POLI: variants seen among roughly 807,000 people sequenced by gnomAD.
The protein encoded by POLI is DNA polymerase iota.
A neutral mutation model predicts 51.6 loss-of-function variants in POLI; 58 were observed. The ratio of observed to expected loss-of-function variants is 1.12; its 90% CI spans 0.91 to 1.40. The LOEUF is 1.40. POLI is among the 40% of genes most tolerant of loss of function. The pLI, the probability that POLI is intolerant of heterozygous loss-of-function variation, is 0.00. For synonymous variants in POLI, 322 were observed against 299.7 expected (o/e 1.07, Z -0.77); for missense variants, 921 against 871.3 (o/e 1.06, Z -0.72).
At chr18:54,288,479 C>T (rs1296646608) in intron 8 of POLI, among the ~76,000 whole-genome samples, 3 of 152,088 alleles carry the variant, frequency 2.0e-5, no homozygotes, top group Non-Finnish European at 2.9e-5. Context: ...GACTATTCTC[C>T]ACCCACTGAA....
chr18:54,270,109 C>T lies in POLI; in HGVS notation c.115+448C>T, dbSNP rs3730673. The T allele has an allele frequency of 3.5e-4, 294 of 835,136 alleles. 3 individuals carry two copies. The African/African-American group carries it at 5.1e-3, about 14-fold the overall frequency. The allele number at this position is 835,136 out of a possible 1,614,324, so 51.7% of individuals were successfully genotyped here. Reference sequence around the variant, plus strand: ...GGAGTCAGGTCCGCTGTGGTCACGTCTCCGGTGACCCACTTCCAGCTCTGG... The same window carrying T: ...GGAGTCAGGTCCGCTGTGGTCACGTTTCCGGTGACCCACTTCCAGCTCTGG... On this transcript the variant is annotated intron_variant, in intron 1 of 9. Coordinates refer to ENST00000579534, the MANE Select transcript of POLI (RefSeq NM_007195.3).
At position 54,298,134 on chromosome 18, in the gene POLI, A is replaced by G. The variant is rs2088422580; in HGVS notation, c.*3667A>G. On this transcript the variant is annotated 3_prime_UTR_variant, in exon 10 of 10. Coordinates refer to ENST00000579534, the MANE Select transcript of POLI (RefSeq NM_007195.3). Reference sequence around the variant, plus strand: ...ATATTAAAAAAACTTCTATTTTAAAATCTGTATATAGAAAGGTACATAAAC... The same window carrying G: ...ATATTAAAAAAACTTCTATTTTAAAGTCTGTATATAGAAAGGTACATAAAC... The G allele has an allele frequency of 1.2e-6, 1 of 803,582 alleles. No homozygotes were observed. Among genetic ancestry groups the G allele is most frequent in the Non-Finnish European group, 1.5e-6 (1 of 664,048 alleles). The allele number at this position is 803,582 out of a possible 1,614,324, so 49.8% of individuals were successfully genotyped here. A position where few individuals can be genotyped will look rare whatever the true frequency, so the allele number is the denominator to read the frequency against.
At chr18:54,316,828 A>G (rs1370150146) in intron 3 of POLI, among the ~76,000 whole-genome samples, 2 of 152,220 alleles carry the variant, frequency 1.3e-5, no homozygotes, top group African/African-American at 4.8e-5. Context: ...GAATGTCTTC[A>G]GGCAAAATGT....
In POLI at chr18:54,294,227, C is replaced by G. The variant is rs1335539818; in HGVS notation, c.1983C>G (p.Asn661Lys). ...TGTCTGCTTTTCATTCATTTCCAAA[C>G]TTGCAGAGTGAGCAACTTTTCTCCA... The part of the protein sequence containing the change: ...PAVSAFHSFP[N>K]LQSEQLFSRN... The change falls in exon 10 of 10, where the codon AAC (asparagine) becomes AAG (lysine). Residue 661 changes from asparagine (N) to lysine (K), a missense_variant. Coordinates refer to ENST00000579534, the MANE Select transcript of POLI (RefSeq NM_007195.3). The G allele has an allele frequency of 6.2e-7, 1 of 1,613,652 alleles. No individual in the cohort carries two copies. Among genetic ancestry groups the G allele is most frequent in the Non-Finnish European group, 8.5e-7 (1 of 1,179,686 alleles).
chr18:54,279,950 C>T (rs1312992926), intron 4 of POLI, among the ~76,000 whole-genome samples: 1 of 152,018 alleles, frequency 6.6e-6, no homozygotes, highest in East Asian at 1.9e-4. Context: ...AAAAGTTTTG[C>T]CAATGTCAGT....
chr18:54,310,167 A>G (rs891278594), intron 3 of POLI, among the ~76,000 whole-genome samples: 2 of 152,344 alleles, frequency 1.3e-5, no homozygotes, highest in East Asian at 3.9e-4. Context: ...CGTCTTCTGC[A>G]TCAGTCACAC....
chr18:54,279,126 G>A (rs1176689935), intron 4 of POLI, among the ~76,000 whole-genome samples: 1 of 9,844 alleles, frequency 1.0e-4, no homozygotes, highest in South Asian at 3.3e-3. Context: ...TCCCAAAAAG[G>A]GAAATGTGGA....
rs200169886 is a variant in POLI, at chr18:54,293,874, C to T, written c.1630C>T (p.Leu544Phe). 6.2e-7 allele frequency: 1 copy of T among 1,612,518 alleles called. No individual in the cohort carries two copies. Among genetic ancestry groups the T allele is most frequent in the South Asian group, 1.1e-5 (1 of 90,932 alleles). Residue 544 changes from leucine (L) to phenylalanine (F), a missense_variant, in exon 10 of 10, where the codon CTT (leucine) becomes TTT (phenylalanine). Coordinates refer to ENST00000579534, the MANE Select transcript of POLI (RefSeq NM_007195.3). ...TCCAGTAGATATTCAAGAAGAAATCCTTTCTGGAAAATCTAGGGAAAAATT... is the reference window on the plus strand; with the variant it reads ...TCCAGTAGATATTCAAGAAGAAATCTTTTCTGGAAAATCTAGGGAAAAATT... Reference protein sequence around the residue: ...QLPVDIQEEILSGKSREKFQG... With the variant: ...QLPVDIQEEIFSGKSREKFQG...
In POLI at chr18:54,281,020, A is replaced by G. The variant is rs559358277; in HGVS notation, c.796+117A>G. The G allele has an allele frequency of 5.9e-4, 350 of 592,950 alleles. 1 individual carries two copies. Among genetic ancestry groups the G allele is most frequent in the African/African-American group, 5.0e-3 (264 of 52,524 alleles). 36.7% of individuals were successfully genotyped at this position (592,950 alleles called of 1,614,324 possible). ...TAGAGTTGTCTGTGAGTTTGTGTGCATGTGTGTGTGTGTGTATACTTGGTT... is the reference window on the plus strand; with the variant it reads ...TAGAGTTGTCTGTGAGTTTGTGTGCGTGTGTGTGTGTGTGTATACTTGGTT... On this transcript the variant is annotated intron_variant, in intron 5 of 9. Coordinates refer to ENST00000579534, the MANE Select transcript of POLI (RefSeq NM_007195.3).
chr18:54,279,200 A>C (rs950749932), intron 4 of POLI, among the ~76,000 whole-genome samples: 1 of 151,834 alleles, frequency 6.6e-6, no homozygotes, highest in Non-Finnish European at 1.5e-5. Flanking sequence ...ACCTACAGAA[A>C]AGTTGACAGA....
In POLI at chr18:54,297,690, C is replaced by A. The variant is rs190631988; in HGVS notation, c.*3223C>A. The A allele has an allele frequency of 6.3e-4, 610 of 971,854 alleles. 3 individuals are homozygous for A. In the African/African-American group the frequency reaches 9.3e-3, roughly 15 times the overall value. 60.2% of individuals were successfully genotyped at this position (971,854 alleles called of 1,614,324 possible). On this transcript the variant is annotated 3_prime_UTR_variant, in exon 10 of 10. Transcript: ENST00000579534. ...TTACTGATTTGGAATGTGAATGTTA[C>A]AAGTCCTTTTGATTATCCTTAAACA...
intron 7 of POLI, chr18:54,284,649 C>T (rs936586426): frequency 6.6e-6 from 1 of 152,224 alleles, no homozygotes; most frequent in African/African-American, 2.4e-5. Context: ...ACCCTTGTAT[C>T]TCTTTTGCCT....
At chr18:54,274,878 A>G (rs1440643057) in intron 3 of POLI, 1 of 152,190 alleles carries the variant, frequency 6.6e-6, no homozygotes, top group East Asian at 1.9e-4. Flanking sequence ...ATAATATACA[A>G]AGACCTCTTA....
At chr18:54,303,817 G>T (rs1215642222) in intron 3 of POLI, among the ~76,000 whole-genome samples, 3 of 150,412 alleles carry the variant, frequency 2.0e-5, no homozygotes, top group Non-Finnish European at 4.4e-5. Flanking sequence ...CAACATGCAG[G>T]TTTGTTACAT....
intron 4 of POLI, among the ~76,000 whole-genome samples, chr18:54,278,793 T>G (rs1348669898): frequency 6.6e-6 from 1 of 152,320 alleles, no homozygotes; most frequent in East Asian, 1.9e-4. Context: ...GACTCCCCTA[T>G]CATACCACAT....
At position 54,297,851 on chromosome 18, in the gene POLI, T is replaced by G. The variant is rs2088409756; in HGVS notation, c.*3384T>G. 1 of 980,022 alleles carries G rather than the reference T, an allele frequency of 1.0e-6. No homozygotes were observed. The highest frequency in any genetic ancestry group is 4.7e-5 in the South Asian group (1 of 21,218). 60.7% of individuals were successfully genotyped at this position (980,022 alleles called of 1,614,324 possible). A position where few individuals can be genotyped will look rare whatever the true frequency, so the allele number is the denominator to read the frequency against. ...TTTTATATAGTCAATGTTTATTTTT[T>G]TGATGGGACATGGTGGGGGCTTACC... On this transcript the variant is annotated 3_prime_UTR_variant, in exon 10 of 10. Coordinates refer to ENST00000579534, the MANE Select transcript of POLI (RefSeq NM_007195.3).
chr18:54,281,807 C>CT (rs1435014396), intron 5 of POLI, among the ~76,000 whole-genome samples: 1 of 147,750 alleles, frequency 6.8e-6, no homozygotes, highest in Non-Finnish European at 1.5e-5. Context: ...TGCCAACCTT[C>CT]TTTTTTTTCT....
intron 1 of POLI, chr18:54,269,871 C>T: frequency 1.5e-6 from 2 of 1,322,340 alleles, no homozygotes. Context: ...TGGGGCGCGT[C>T]CACACTACAA....
intron 3 of POLI, among the ~76,000 whole-genome samples, chr18:54,305,542 A>T (rs1368120792): frequency 9.3e-6 from 1 of 107,826 alleles, no homozygotes. Context: ...GAGTTCACTC[A>T]TGATTTGACT....
Sources: allele counts gnomAD v4.1 joint callset (sites outside exome capture counted in the v4.1 genomes callset), GRCh38; gene constraint gnomAD v4.1.1; transcripts MANE v1.5; gene names NCBI Gene and HGNC (gene_info 2026-07-23, HGNC 2026-07-21).